The following RNF150 variants were observed in gnomAD, a reference collection of about 807,000 sequenced individuals.
RNF150 encodes the protein ring finger protein 150.
Under a neutral mutation model 39.3 loss-of-function variants are expected in RNF150, and 24 were observed. The observed-to-expected ratio is 0.61, with a 90% confidence interval of 0.44 to 0.86. RNF150 has a LOEUF of 0.86. RNF150 is among the 40% of genes least tolerant of loss of function. RNF150 has a pLI of 0.00. For synonymous variants in RNF150, 255 were observed against 227.3 expected (o/e 1.12, Z -1.10); for missense variants, 502 against 587.8 (o/e 0.85, Z 1.51).
chr4:140,990,908 C>T (rs1734174515), intron 1 of RNF150, among the ~76,000 whole-genome samples: 1 of 152,080 alleles, frequency 6.6e-6, no homozygotes, highest in African/African-American at 2.4e-5. Context: ...GAGGAATCAC[C>T]ACACCGTCTT....
chr4:140,869,535 A>G (rs1343169170), intron 6 of RNF150, among the ~76,000 whole-genome samples: 2 of 152,162 alleles, frequency 1.3e-5, no homozygotes, highest in Non-Finnish European at 2.9e-5. Context: ...GATTAAGACA[A>G]TCCCTATCCT....
intron 4 of RNF150, among the ~76,000 whole-genome samples, chr4:140,933,462 G>C (rs1349681530): frequency 6.6e-6 from 1 of 152,142 alleles, no homozygotes; most frequent in African/African-American, 2.4e-5. Context: ...TCTGGATTTT[G>C]GATTTCCAGA....
chr4:140,892,075 G>C (rs886887592), intron 6 of RNF150, among the ~76,000 whole-genome samples: 1 of 152,234 alleles, frequency 6.6e-6, no homozygotes, highest in East Asian at 1.9e-4. Flanking sequence ...ATTACTTATA[G>C]CACCTAATAT....
At chr4:141,010,650 G>A (rs900538381) in intron 1 of RNF150, among the ~76,000 whole-genome samples, 8 of 152,096 alleles carry the variant, frequency 5.3e-5, no homozygotes, top group Admixed American at 2.0e-4. Context: ...TTCCAACCCT[G>A]ATCGTGAGGG....
chr4:141,194,884 G>GGGATAATA (rs1411575517), intron 1 of RNF150, among the ~76,000 whole-genome samples: 1 of 152,108 alleles, frequency 6.6e-6, no homozygotes, highest in African/African-American at 2.4e-5. Flanking sequence ...TCGGAAAAAT[G>GGGATAATA]GGATAATAGT....
intron 6 of RNF150, among the ~76,000 whole-genome samples, chr4:140,908,851 T>C (rs1353047446): frequency 6.6e-6 from 1 of 152,160 alleles, no homozygotes; most frequent in Non-Finnish European, 1.5e-5. Context: ...ATCTATGAAG[T>C]ATGTACCCAC....
At chr4:141,201,519 T>C (rs964092730) in intron 1 of RNF150, among the ~76,000 whole-genome samples, 7 of 142,154 alleles carry the variant, frequency 4.9e-5, no homozygotes, top group African/African-American at 1.9e-4. Flanking sequence ...AGGTCAGCCA[T>C]TCAAGGGTTT....
In RNF150 at chr4:140,911,210, C is replaced by G; in HGVS notation, c.1132G>C (p.Ala378Pro). 6.2e-7 allele frequency: 1 copy of G among 1,614,190 alleles called. No homozygotes were observed. Among genetic ancestry groups the G allele is most frequent in the Non-Finnish European group, 8.5e-7 (1 of 1,180,026 alleles). ...TLDPAVRTVG[A>P]LQVVQDTDPI... ...TCTGTATCCTGGACCACCTGCAAGGCTCCCACAGTCCGGACAGCAGGGTCC... is the reference window on the plus strand; with the variant it reads ...TCTGTATCCTGGACCACCTGCAAGGGTCCCACAGTCCGGACAGCAGGGTCC... The change falls in exon 6 of 7, where the codon GCC (alanine) becomes CCC (proline). Residue 378 changes from alanine to proline, a missense_variant. By Grantham distance (27) the Ala-to-Pro change is conservative (BLOSUM62 -1). Coordinates refer to ENST00000515673, the MANE Select transcript of RNF150 (RefSeq NM_020724.2).
chr4:141,090,912 G>T (rs1253597974), intron 1 of RNF150, among the ~76,000 whole-genome samples: 1 of 152,132 alleles, frequency 6.6e-6, no homozygotes, highest in Non-Finnish European at 1.5e-5. Context: ...AAAAGCTACA[G>T]ATACTATAAG....
chr4:141,210,578 T>C (rs1728446928), intron 1 of RNF150, among the ~76,000 whole-genome samples: 1 of 152,062 alleles, frequency 6.6e-6, no homozygotes. Flanking sequence ...GTATGTTTTA[T>C]ACAGAATCTA....
At chr4:140,925,342 T>C (rs1731348731) in intron 5 of RNF150, among the ~76,000 whole-genome samples, 1 of 152,146 alleles carries the variant, frequency 6.6e-6, no homozygotes, top group African/African-American at 2.4e-5. Context: ...CTGATTCTCT[T>C]TGTACAGGGG....
chr4:140,881,008 C>T (rs1330384986), intron 6 of RNF150, among the ~76,000 whole-genome samples: 2 of 152,022 alleles, frequency 1.3e-5, no homozygotes, highest in African/African-American at 4.8e-5. Context: ...TTCTCTATTT[C>T]ATTTATATCT....
At chr4:140,884,967 A>G (rs1729507925) in intron 6 of RNF150, among the ~76,000 whole-genome samples, 1 of 152,124 alleles carries the variant, frequency 6.6e-6, no homozygotes, top group African/African-American at 2.4e-5. Flanking sequence ...CCTTGCCTGG[A>G]GTGCAGGAAC....
At chr4:141,169,408 G>C (rs901152371) in intron 1 of RNF150, among the ~76,000 whole-genome samples, 1 of 152,046 alleles carries the variant, frequency 6.6e-6, no homozygotes, top group South Asian at 2.1e-4. Flanking sequence ...TTTATAAATT[G>C]CCCAGTCTCA....
At chr4:140,904,985 T>C (rs906967017) in intron 6 of RNF150, among the ~76,000 whole-genome samples, 2 of 152,132 alleles carry the variant, frequency 1.3e-5, no homozygotes, top group African/African-American at 4.8e-5. Context: ...CTCCCCAAAT[T>C]AGAGAAAGCA....
chr4:141,092,035 A>G (rs1738601562), intron 1 of RNF150, among the ~76,000 whole-genome samples: 1 of 152,162 alleles, frequency 6.6e-6, no homozygotes, highest in Non-Finnish European at 1.5e-5. Context: ...AAGTCAAGCT[A>G]GGGTGACCAT....
chr4:141,163,104 G>A (rs772580193), intron 1 of RNF150, among the ~76,000 whole-genome samples: 4 of 152,144 alleles, frequency 2.6e-5, no homozygotes, highest in Non-Finnish European at 5.9e-5. Flanking sequence ...TGGGATGCTC[G>A]GGCTTGGTTG....
intron 1 of RNF150, among the ~76,000 whole-genome samples, chr4:141,093,211 G>T (rs1332811657): frequency 6.6e-6 from 1 of 151,910 alleles, no homozygotes; most frequent in Non-Finnish European, 1.5e-5. Flanking sequence ...CTAAATACAC[G>T]AAGAATTGGC....
intron 1 of RNF150, among the ~76,000 whole-genome samples, chr4:141,152,695 G>A (rs904053781): frequency 6.6e-6 from 1 of 152,120 alleles, no homozygotes; most frequent in South Asian, 2.1e-4. Flanking sequence ...GATGTTTGGG[G>A]TGTACTAACC....
Sources: allele counts gnomAD v4.1 joint callset (sites outside exome capture counted in the v4.1 genomes callset), GRCh38; gene constraint gnomAD v4.1.1; transcripts MANE v1.5; gene names NCBI Gene and HGNC (gene_info 2026-07-23, HGNC 2026-07-21).